Variants in WNT5B observed in about 807,000 individuals in gnomAD.
The protein encoded by WNT5B is Wnt family member 5B, also known as protein Wnt-5b.
In WNT5B, 18 loss-of-function variants were observed where a neutral mutation model predicts 36.5. The ratio of observed to expected loss-of-function variants is 0.49; its 90% CI spans 0.34 to 0.73. The LOEUF is 0.73. Ranked by LOEUF, WNT5B falls within the 30% of genes least tolerant of loss-of-function variation. WNT5B has a pLI of 0.01. For missense variants in WNT5B, 424 were observed against 508.4 expected (o/e 0.83, Z 1.60); for synonymous variants, 213 against 212.3 (o/e 1.00, Z -0.03).
At chr12:1,625,021 G>A (rs1448460288), upstream of WNT5B, among the ~76,000 whole-genome samples, 1 of 152,124 alleles carries the variant, frequency 6.6e-6, no homozygotes. Context: ...GATTGCTGCA[G>A]AGCAGAGGAG....
chr12:1,619,849 T>G (rs2094531513), intron 1 of WNT5B, among the ~76,000 whole-genome samples: 1 of 152,156 alleles, frequency 6.6e-6, no homozygotes, highest in African/African-American at 2.4e-5. Context: ...TGCCCTCAAA[T>G]AGTCATCCCA....
At position 1,644,325 on chromosome 12, in the gene WNT5B, G is replaced by A. The variant is rs1468042584; in HGVS notation, c.622-1469G>A. Among the ~76,000 whole-genome samples the A allele has an allele frequency of 1.3e-5, 2 of 152,094 alleles. No homozygotes were observed. The highest frequency in any genetic ancestry group is 4.8e-5 in the African/African-American group (2 of 41,410). On this transcript the variant is annotated intron_variant, in intron 4 of 4. Coordinates refer to ENST00000397196, the MANE Select transcript of WNT5B (RefSeq NM_032642.3). The surrounding 1 kb of genome is among the most constrained non-coding windows in gnomAD (Gnocchi z 5.1). ...TGGGGAGAGCCTTCCTTCCTCCTCTGCTCTAAGCCAGCTTTAAGCCCCGAG... is the reference window on the plus strand; with the variant it reads ...TGGGGAGAGCCTTCCTTCCTCCTCTACTCTAAGCCAGCTTTAAGCCCCGAG...
chr12:1,632,611 T>G lies in WNT5B; in HGVS notation c.81-47T>G. On this transcript the variant is annotated intron_variant, in intron 2 of 4. Coordinates refer to ENST00000397196, the MANE Select transcript of WNT5B (RefSeq NM_032642.3). This position sits in a 1 kb window ranked among gnomAD's most constrained non-coding sequence, Gnocchi z 5.8. ...TGACTTAATGCTGCACACAGGCGTATGCTCACTCCTGGGCCTTTTTTTCCC... is the reference window on the plus strand; with the variant it reads ...TGACTTAATGCTGCACACAGGCGTAGGCTCACTCCTGGGCCTTTTTTTCCC... 1.3e-6 allele frequency: 2 copies of G among 1,563,086 alleles called. No individual in the cohort carries two copies. Among genetic ancestry groups the G allele is most frequent in the South Asian group, 2.3e-5 (2 of 85,238 alleles).
intron 3 of WNT5B, among the ~76,000 whole-genome samples, chr12:1,639,363 C>T (rs550133871): frequency 2.0e-5 from 3 of 152,318 alleles, no homozygotes; most frequent in Admixed American, 2.0e-4. Flanking sequence ...TGGTCTCGAT[C>T]TCCTGACCTC....
rs1028322636 is a variant in WNT5B, at chr12:1,644,532, C to G, written c.622-1262C>G. Among the ~76,000 whole-genome samples the G allele has an allele frequency of 1.3e-5, 2 of 152,232 alleles. No individual in the cohort carries two copies. Among genetic ancestry groups the G allele is most frequent in the African/African-American group, 2.4e-5 (1 of 41,466 alleles). The stretch of plus-strand genomic sequence containing the variant: ...CTGATGATGGCTGTGCTGTCTCTTG[C>G]ACCTGCAGTGGTCTCTGCTTAGCTC... On this transcript the variant is annotated intron_variant, in intron 4 of 4. Coordinates refer to ENST00000397196, the MANE Select transcript of WNT5B (RefSeq NM_032642.3). This position sits in a 1 kb window ranked among gnomAD's most constrained non-coding sequence, Gnocchi z 5.1.
At chr12:1,617,410 G>A (rs1466155448) in intron 1 of WNT5B, among the ~76,000 whole-genome samples, 1 of 151,956 alleles carries the variant, frequency 6.6e-6, no homozygotes, top group Non-Finnish European at 1.5e-5. Context: ...TGAGGCAGGT[G>A]GATTGCTTGA....
intron 1 of WNT5B, among the ~76,000 whole-genome samples, chr12:1,619,617 CAGAT>C (rs1275089088): frequency 6.6e-6 from 1 of 151,856 alleles, no homozygotes; most frequent in Non-Finnish European, 1.5e-5. Flanking sequence ...GCAAGAGAAA[CAGAT>C]AGCTACAGAA....
intron 3 of WNT5B, 65 bp from the exon 4 acceptor site, chr12:1,639,619 G>T: frequency 2.1e-6 from 3 of 1,427,452 alleles, no homozygotes; most frequent in Admixed American, 3.0e-5. Context: ...GGGGGAGACG[G>T]GGGGAAGGAC....
At chr12:1,635,900 A>G (rs1230992791) in intron 3 of WNT5B, among the ~76,000 whole-genome samples, 1 of 152,230 alleles carries the variant, frequency 6.6e-6, no homozygotes, top group Non-Finnish European at 1.5e-5. Flanking sequence ...CCACTGGTTA[A>G]TAGAGAAAAA....
intron 4 of WNT5B, among the ~76,000 whole-genome samples, chr12:1,642,428 C>G (rs1046949388): frequency 2.6e-5 from 4 of 152,212 alleles, no homozygotes; most frequent in Admixed American, 6.5e-5. Flanking sequence ...CTCAGGTATT[C>G]CTTACTCTAT....
chr12:1,620,847 G>A (rs1474452866), intron 1 of WNT5B, among the ~76,000 whole-genome samples: 1 of 151,348 alleles, frequency 6.6e-6, no homozygotes, highest in East Asian at 2.0e-4. Context: ...GGGACTACAG[G>A]CATGCGCCAC....
upstream of WNT5B, among the ~76,000 whole-genome samples, chr12:1,626,521 G>A (rs765920165): frequency 1.2e-4 from 17 of 147,172 alleles, no homozygotes; most frequent in Non-Finnish European, 1.6e-4. Context: ...CCTCGGCCTC[G>A]CAAAGTGCTG....
In WNT5B at chr12:1,644,959, G is replaced by C. The variant is rs911699740; in HGVS notation, c.622-835G>C. ...CACTGTGTTACTCCAGCTCTCCCAA[G>C]GGGGCGTCTGGGGGCTGCTCGGGAG... On this transcript the variant is annotated intron_variant, in intron 4 of 4. Transcript: ENST00000397196. This position sits in a 1 kb window ranked among gnomAD's most constrained non-coding sequence, Gnocchi z 5.1. 3.3e-5 allele frequency: 5 copies of C among 152,282 alleles called. No homozygotes were observed. Among genetic ancestry groups the C allele is most frequent in the Non-Finnish European group, 7.3e-5 (5 of 68,106 alleles). The allele number at this position is 152,282 out of a possible 1,614,324, so 9.4% of individuals were successfully genotyped here. A position where few individuals can be genotyped will look rare whatever the true frequency, so the allele number is the denominator to read the frequency against.
At position 1,623,338 on chromosome 12, in the gene WNT5B, G is replaced by A. The variant is rs369238295; in HGVS notation, c.-58+6195G>A. 3.3e-5 allele frequency among the ~76,000 whole-genome samples: 5 copies of A among 151,198 alleles called. 1 individual carries two copies. The highest frequency in any genetic ancestry group is 1.2e-4 in the African/African-American group (5 of 41,130). On this transcript the variant is annotated intron_variant, in intron 1 of 4. Coordinates refer to the WNT5B transcript ENST00000310594. ...AGCCTCCCGAGTAGCTGGGACTACA[G>A]GCGCCCACCACCACACCCAGCTAAT...
At chr12:1,638,786 G>A (rs552228188) in intron 3 of WNT5B, among the ~76,000 whole-genome samples, 1 of 152,016 alleles carries the variant, frequency 6.6e-6, no homozygotes, top group Non-Finnish European at 1.5e-5. Flanking sequence ...GAAGAGAGAG[G>A]AAGACAGCTT....
In WNT5B at chr12:1,629,295, C is replaced by A. The variant is rs1333746849; in HGVS notation, c.-134C>A. ...GTCTTTGGCTCGGAAACGGTGGCCC[C>A]CAATGTAGCCTAGTTTGAACCTAGG... On this transcript the variant is annotated 5_prime_UTR_variant, in exon 1 of 5. Transcript: ENST00000397196. The A allele has an allele frequency of 6.6e-6, 1 of 152,248 alleles. No homozygotes were observed. The highest frequency in any genetic ancestry group is 2.4e-5 in the African/African-American group (1 of 41,420). 9.4% of individuals were successfully genotyped at this position (152,248 alleles called of 1,614,324 possible).
intron 3 of WNT5B, among the ~76,000 whole-genome samples, chr12:1,639,042 C>T (rs574606873): frequency 2.5e-4 from 38 of 152,280 alleles, no homozygotes; most frequent in African/African-American, 8.9e-4. Flanking sequence ...TTCTCCCCTC[C>T]GCTGAGGTCT....
At chr12:1,640,187 C>G (rs75050430) in intron 4 of WNT5B, among the ~76,000 whole-genome samples, 2 of 152,176 alleles carry the variant, frequency 1.3e-5, no homozygotes, top group African/African-American at 4.8e-5. Flanking sequence ...TTTTTCTTTT[C>G]TTTTCTTCTT....
rs2094530013 is a variant in WNT5B at position 1,618,702 on chromosome 12, A to G, written c.-58+1559A>G. Among the ~76,000 whole-genome samples the G allele has an allele frequency of 6.6e-6, 1 of 152,190 alleles. No homozygotes were observed. The highest frequency in any genetic ancestry group is 2.4e-5 in the African/African-American group (1 of 41,436). On this transcript the variant is annotated intron_variant, in intron 1 of 4. Transcript: ENST00000310594. The surrounding 1 kb of genome is among the most constrained non-coding windows in gnomAD (Gnocchi z 4.1). ...GACTTCCAGTGGACTTTTGCTTGAT[A>G]CCTGGGGAGAAAATTGTGCTTTTCC...
Sources: gnomAD v4.1 joint callset for allele counts (sites outside exome capture counted in the v4.1 genomes callset) on GRCh38, gnomAD v4.1.1 for gene constraint, Gnocchi (gnomAD v3.1) non-coding constraint, MANE v1.5 for transcripts, NCBI Gene and HGNC (gene_info 2026-07-23, HGNC 2026-07-21) for gene names.